Variants in KSR1 observed in about 807,000 individuals in gnomAD.
KSR1 encodes the protein kinase suppressor of ras 1.
In KSR1, 35 loss-of-function variants were observed where a neutral mutation model predicts 92.9. The observed-to-expected ratio is 0.38, with a 90% confidence interval of 0.29 to 0.50. KSR1 has a LOEUF of 0.50. KSR1 is among the 20% of genes least tolerant of loss of function. The pLI is 0.94. For synonymous variants in KSR1, 467 were observed against 472.6 expected (o/e 0.99, Z 0.15); for missense variants, 972 against 1,158.5 (o/e 0.84, Z 2.34).
At chr17:27,526,044 T>TTCTC (rs55737393) in intron 1 of KSR1, among the ~76,000 whole-genome samples, 2 of 122,930 alleles carry the variant, frequency 1.6e-5, no homozygotes, top group African/African-American at 3.4e-5. Context: ...TTTCTTTTCT[T>TTCTC]TCTCTCTCTC....
intron 1 of KSR1, among the ~76,000 whole-genome samples, chr17:27,505,075 T>C (rs1204745519): frequency 1.3e-5 from 2 of 152,190 alleles, no homozygotes; most frequent in East Asian, 3.9e-4. Context: ...AACTCTTACC[T>C]TGAGAGGGAT....
At chr17:27,536,943 C>T (rs2070773513) in intron 1 of KSR1, among the ~76,000 whole-genome samples, 1 of 152,218 alleles carries the variant, frequency 6.6e-6, no homozygotes, top group African/African-American at 2.4e-5. Flanking sequence ...TACTTTGTGG[C>T]CGTCTTCAAT....
chr17:27,607,388 A>C (rs1173491201), intron 14 of KSR1, among the ~76,000 whole-genome samples: 1 of 151,916 alleles, frequency 6.6e-6, no homozygotes, highest in Non-Finnish European at 1.5e-5. Flanking sequence ...CCCAGAACTG[A>C]AGCTCCTTTT....
intron 1 of KSR1, among the ~76,000 whole-genome samples, chr17:27,515,544 G>A (rs1393086773): frequency 1.3e-5 from 2 of 151,776 alleles, no homozygotes; most frequent in Non-Finnish European, 2.9e-5. Flanking sequence ...TGGTTTGAAC[G>A]GCCACTTTGC....
intron 2 of KSR1, among the ~76,000 whole-genome samples, chr17:27,561,616 G>C (rs986204624): frequency 6.6e-6 from 1 of 152,206 alleles, no homozygotes; most frequent in African/African-American, 2.4e-5. Context: ...CACTCAGTGT[G>C]TATTTAGCAC....
At chr17:27,604,963 C>T (rs2073699971) in intron 13 of KSR1, among the ~76,000 whole-genome samples, 1 of 152,216 alleles carries the variant, frequency 6.6e-6, no homozygotes, top group East Asian at 1.9e-4. Context: ...GGTCAAGAAC[C>T]ACTGCCTTGA....
At chr17:27,571,710 C>G (rs1172312490) in intron 2 of KSR1, among the ~76,000 whole-genome samples, 1 of 152,260 alleles carries the variant, frequency 6.6e-6, no homozygotes, top group Non-Finnish European at 1.5e-5. Flanking sequence ...CAAAACTGAA[C>G]AGAAACACAG....
chr17:27,485,194 C>T lies in KSR1; in HGVS notation c.231+28320C>T, dbSNP rs192089973. ...TATGCCCACCCTGGACTGTTCTCTT[C>T]TCTCACATGAGTCATCTCCTGGGTT... On this transcript the variant is annotated intron_variant, in intron 1 of 20. Transcript: ENST00000644974. Among the ~76,000 whole-genome samples the T allele has an allele frequency of 1.4e-4, 22 of 152,338 alleles. No individual in the cohort carries two copies. The South Asian group carries it at 2.1e-3, about 14-fold the overall frequency.
In KSR1 at chr17:27,592,505, C is replaced by T; in HGVS notation, c.1193-15C>T. The stretch of plus-strand genomic sequence containing the variant: ...ACCTGTTCCCTGGTGATGGGTTTTC[C>T]CTCTTTTCAAACAGTAACTCGGCTT... On this transcript the variant is annotated splice_polypyrimidine_tract_variant and intron_variant, in intron 8 of 20. Coordinates refer to ENST00000644974, the MANE Select transcript of KSR1 (RefSeq NM_001394583.1). 6.2e-7 allele frequency: 1 copy of T among 1,613,714 alleles called. No individual in the cohort carries two copies.
intron 1 of KSR1, among the ~76,000 whole-genome samples, chr17:27,489,425 C>T (rs1473925454): frequency 6.6e-6 from 1 of 152,226 alleles, no homozygotes; most frequent in African/African-American, 2.4e-5. Flanking sequence ...GCCCAGGCCA[C>T]TTGAGCTTTT....
intron 2 of KSR1, among the ~76,000 whole-genome samples, chr17:27,555,723 G>A (rs887217906): frequency 7.2e-5 from 11 of 152,086 alleles, no homozygotes; most frequent in African/African-American, 2.7e-4. Context: ...TACGTATAAC[G>A]TAATTTACCA....
chr17:27,464,557 CA>C (rs1447168999), intron 1 of KSR1, among the ~76,000 whole-genome samples: 1 of 151,958 alleles, frequency 6.6e-6, no homozygotes, highest in Non-Finnish European at 1.5e-5. Flanking sequence ...CCTGTCTCTA[CA>C]AAAAATAAAA....
intron 1 of KSR1, among the ~76,000 whole-genome samples, chr17:27,543,292 A>G (rs1156978657): frequency 2.0e-5 from 3 of 152,164 alleles, no homozygotes; most frequent in East Asian, 1.9e-4. Flanking sequence ...AGACTGGCCC[A>G]TGGGTAGGTT....
chr17:27,535,848 A>T (rs1467523771), intron 1 of KSR1, among the ~76,000 whole-genome samples: 1 of 152,200 alleles, frequency 6.6e-6, no homozygotes, highest in Admixed American at 6.5e-5. Context: ...TTAATTGCCC[A>T]TGGGCCCTTA....
intron 18 of KSR1, among the ~76,000 whole-genome samples, chr17:27,613,729 C>G (rs1317106294): frequency 1.3e-5 from 2 of 152,220 alleles, no homozygotes; most frequent in East Asian, 3.8e-4. Flanking sequence ...GTTTTGGGCT[C>G]CTGGCTGTGG....
intron 4 of KSR1, among the ~76,000 whole-genome samples, chr17:27,585,041 A>G (rs1185868263): frequency 1.3e-5 from 2 of 152,178 alleles, no homozygotes; most frequent in Admixed American, 1.3e-4. Context: ...GATTCAAGCG[A>G]TTCTCCTGCC....
chr17:27,580,602 T>C (rs1439082975), intron 3 of KSR1, among the ~76,000 whole-genome samples: 2 of 152,070 alleles, frequency 1.3e-5, no homozygotes, highest in African/African-American at 4.8e-5. Context: ...TCAATTCCCA[T>C]CCCACCACTT....
At chr17:27,566,581 C>T (rs922760909) in intron 2 of KSR1, 18 of 398,968 alleles carry the variant, frequency 4.5e-5, no homozygotes, top group South Asian at 3.8e-4. Context: ...GAGGTAGGCA[C>T]GGGGGTCTGG....
chr17:27,577,449 C>T lies in KSR1; in HGVS notation c.373-43C>T. On this transcript the variant is annotated intron_variant, in intron 2 of 20. Coordinates refer to ENST00000644974, the MANE Select transcript of KSR1 (RefSeq NM_001394583.1). The surrounding 1 kb of genome is among the most constrained non-coding windows in gnomAD (Gnocchi z 4.5). ...TGAGGCTGAGGGGCTCCCGGCCCAG[C>T]CGACTGCTCACCGCCTCTCTGCCTG... 3.1e-6 allele frequency: 4 copies of T among 1,275,830 alleles called. No individual in the cohort carries two copies. The highest frequency in any genetic ancestry group is 5.0e-5 in the East Asian group (2 of 39,750). The allele number at this position is 1,275,830 out of a possible 1,614,324, so 79.0% of individuals were successfully genotyped here.
Sources: gnomAD v4.1 joint callset for allele counts (sites outside exome capture counted in the v4.1 genomes callset) on GRCh38, gnomAD v4.1.1 for gene constraint, Gnocchi (gnomAD v3.1) non-coding constraint, MANE v1.5 for transcripts, NCBI Gene and HGNC (gene_info 2026-07-23, HGNC 2026-07-21) for gene names.